Variants in PLXNB1 observed in about 807,000 individuals in gnomAD.
PLXNB1 encodes the protein plexin B1.
In PLXNB1, 106 loss-of-function variants were observed where a neutral mutation model predicts 209.4. That is an observed-to-expected ratio of 0.51 (90% CI 0.43 to 0.59). The LOEUF (loss-of-function observed/expected upper bound fraction) is 0.59. PLXNB1 is among the 20% of genes least tolerant of loss of function. The pLI, the probability that PLXNB1 is intolerant of heterozygous loss-of-function variation, is 0.00. For synonymous variants in PLXNB1, 1,167 were observed against 1,183.2 expected (o/e 0.99, Z 0.28); for missense variants, 2,357 against 2,853.2 (o/e 0.83, Z 3.96).
rs918715075 is a variant in PLXNB1 at position 48,429,736 on chromosome 3, C to T, written c.-60+272G>A. On this transcript the variant is annotated intron_variant, in intron 1 of 37. Coordinates refer to ENST00000296440, the MANE Select transcript of PLXNB1 (RefSeq NM_001130082.3). This position sits in a 1 kb window ranked among gnomAD's most constrained non-coding sequence, Gnocchi z 6.4. The stretch of plus-strand genomic sequence containing the variant: ...TGAACCCCGGGAGCCAGAGCCGCCC[C>T]GCCCCGTCGGCCTCACCTGCTCGCC... Among the ~76,000 whole-genome samples, 1 of 152,084 alleles carries T rather than the reference C, an allele frequency of 6.6e-6. No individual in the cohort carries two copies. Among genetic ancestry groups the T allele is most frequent in the African/African-American group, 2.4e-5 (1 of 41,422 alleles).
In PLXNB1 at chr3:48,419,110, C is replaced by G; in HGVS notation, c.2833-71G>C. On this transcript the variant is annotated intron_variant, in intron 12 of 37. Transcript: ENST00000296440. This position sits in a 1 kb window ranked among gnomAD's most constrained non-coding sequence, Gnocchi z 5.7. Reference sequence around the variant, plus strand: ...CCAGGGAGTCCTGCAGGTCACCCAACAGATCCCCCAGCACAGCTTCTGGGT... The same window carrying G: ...CCAGGGAGTCCTGCAGGTCACCCAAGAGATCCCCCAGCACAGCTTCTGGGT... The G allele has an allele frequency of 6.3e-7, 1 of 1,593,782 alleles. No homozygotes were observed. The highest frequency in any genetic ancestry group is 1.1e-5 in the South Asian group (1 of 88,876).
At position 48,418,372 on chromosome 3, in the gene PLXNB1, G is replaced by A; in HGVS notation, c.3050-9C>T. 1.2e-6 allele frequency: 2 copies of A among 1,613,632 alleles called. No individual in the cohort carries two copies. Among genetic ancestry groups the A allele is most frequent in the South Asian group, 2.2e-5 (2 of 91,078 alleles). ...ACAGTCATACAGTACCACTGGGGGT[G>A]GCAGAGACACACGTGAGAGGCAGGC... On this transcript the variant is annotated splice_polypyrimidine_tract_variant and intron_variant, in intron 14 of 37. Coordinates refer to ENST00000296440, the MANE Select transcript of PLXNB1 (RefSeq NM_001130082.3). This position sits in a 1 kb window ranked among gnomAD's most constrained non-coding sequence, Gnocchi z 6.6.
Position 48,424,201 on chromosome 3 carries a change from A to T in PLXNB1, c.411T>A (p.Pro137=). The T allele has an allele frequency of 2.5e-6, 4 of 1,596,020 alleles. No homozygotes were observed. The highest frequency in any genetic ancestry group is 3.4e-6 in the Non-Finnish European group (4 of 1,169,850). ...LEQLLLRPER[P]GDTQYVAAND... ...TGGCAGCCACATATTGTGTGTCCCCAGGCCGCTCTGGCCGCAGCAGCAGCT... is the reference window on the plus strand; with the variant it reads ...TGGCAGCCACATATTGTGTGTCCCCTGGCCGCTCTGGCCGCAGCAGCAGCT... Residue 137 remains proline (P), a synonymous_variant, in exon 3 of 38, where the codon CCT becomes CCA. Coordinates refer to ENST00000296440, the MANE Select transcript of PLXNB1 (RefSeq NM_001130082.3).
In PLXNB1 at chr3:48,417,191, G is replaced by A. The variant is rs542636893; in HGVS notation, c.3374+720C>T. Among the ~76,000 whole-genome samples, 3 of 152,358 alleles carry A rather than the reference G, an allele frequency of 2.0e-5. No homozygotes were observed. The highest frequency in any genetic ancestry group is 2.1e-4 in the South Asian group (1 of 4,828). On this transcript the variant is annotated intron_variant, in intron 16 of 37. Coordinates refer to ENST00000296440, the MANE Select transcript of PLXNB1 (RefSeq NM_001130082.3). The surrounding 1 kb of genome is among the most constrained non-coding windows in gnomAD (Gnocchi z 4.4). Reference sequence around the variant, plus strand: ...TCATAACACATTCAGGGGACACTCCGTGCTCCAGGAGAGTGGTTCCTTGTT... The same window carrying A: ...TCATAACACATTCAGGGGACACTCCATGCTCCAGGAGAGTGGTTCCTTGTT...
chr3:48,409,678 G>A lies in PLXNB1; in HGVS notation c.5832C>T (p.Ser1944=), dbSNP rs1338736353. 1 of 1,613,834 alleles carries A rather than the reference G, an allele frequency of 6.2e-7. No individual in the cohort carries two copies. The highest frequency in any genetic ancestry group is 8.5e-7 in the Non-Finnish European group (1 of 1,180,028). Residue 1944 remains serine (S), a synonymous_variant, in exon 33 of 38, where the codon AGC becomes AGT. Coordinates refer to ENST00000296440, the MANE Select transcript of PLXNB1 (RefSeq NM_001130082.3). The surrounding 1 kb of genome is among the most constrained non-coding windows in gnomAD (Gnocchi z 5.8). ...DDLFQVILST[S]RPVPLAVKYF... is the part of the protein sequence containing the mutation. ...ACTTCACAGCGAGCGGCACGGGGCG[G>A]CTGGTGCTGAGAATCACCTGGAACA...
intron 6 of PLXNB1, 87 bp downstream of exon 6, chr3:48,422,018 T>G: frequency 7.3e-7 from 1 of 1,360,924 alleles, no homozygotes; most frequent in Non-Finnish European, 1.0e-6. Flanking sequence ...AGAGTCATGG[T>G]CTAAGGGTCA....
At chr3:48,425,534 G>T (rs1469084639) in intron 1 of PLXNB1, among the ~76,000 whole-genome samples, 2 of 152,024 alleles carry the variant, frequency 1.3e-5, no homozygotes, top group African/African-American at 2.4e-5. Flanking sequence ...TGAGGAGGGG[G>T]AGGGCAGCAG....
chr3:48,409,352 G>A lies in PLXNB1; in HGVS notation c.6064C>T (p.Leu2022=), dbSNP rs2037509971. Residue 2022 remains leucine (L), a synonymous_variant, in exon 34 of 38, where the codon CTG becomes TTG. Coordinates refer to ENST00000296440, the MANE Select transcript of PLXNB1 (RefSeq NM_001130082.3). This position sits in a 1 kb window ranked among gnomAD's most constrained non-coding sequence, Gnocchi z 5.8. ...ACCCGGCCCAGCTTGTGGTCGGCCA[G>A]GGTGCAGGCGTCCATGAAGGTCTGT... ...IAQTFMDACT[L]ADHKLGRDSP... 2 of 1,614,160 alleles carry A rather than the reference G, an allele frequency of 1.2e-6. No individual in the cohort carries two copies. The highest frequency in any genetic ancestry group is 1.7e-6 in the Non-Finnish European group (2 of 1,180,034).
At chr3:48,427,912 T>C (rs954879845) in intron 1 of PLXNB1, among the ~76,000 whole-genome samples, 1 of 152,202 alleles carries the variant, frequency 6.6e-6, no homozygotes, top group Admixed American at 6.5e-5. Flanking sequence ...ATTTCCTAGT[T>C]GTACAATGGG....
rs746906628 is a variant in PLXNB1 at position 48,410,974 on chromosome 3, C to T, written c.5310G>A (p.Lys1770=). Reference sequence around the variant, plus strand: ...GGGAGATGGTGTCACAGTCTAGGACCTTCACGGGCACGCCCTGGGCCTCTC... The same window carrying T: ...GGGAGATGGTGTCACAGTCTAGGACTTTCACGGGCACGCCCTGGGCCTCTC... ...GAGEAQGVPV[K]VLDCDTISQA... The change falls in exon 29 of 38, where the codon AAG becomes AAA. Residue 1770 remains lysine, a synonymous_variant. Coordinates refer to ENST00000296440, the MANE Select transcript of PLXNB1 (RefSeq NM_001130082.3). This position sits in a 1 kb window ranked among gnomAD's most constrained non-coding sequence, Gnocchi z 6.4. The T allele has an allele frequency of 1.1e-5, 17 of 1,613,882 alleles. No individual in the cohort carries two copies. The Middle Eastern group carries it at 8.3e-4, about 78-fold the overall frequency.
chr3:48,405,651 C>G lies in PLXNB1; in HGVS notation c.6303+73G>C. On this transcript the variant is annotated intron_variant, in intron 37 of 37. Transcript: ENST00000296440. The surrounding 1 kb of genome is among the most constrained non-coding windows in gnomAD (Gnocchi z 5.0). ...AGACCAAAGCCCCCAACGTGAGTCA[C>G]AGGGTCAGAGCCCCTTAAGTCTCCT... The G allele has an allele frequency of 8.3e-7, 1 of 1,211,266 alleles. No homozygotes were observed. The highest frequency in any genetic ancestry group is 1.3e-5 in the South Asian group (1 of 79,776). The allele number at this position is 1,211,266 out of a possible 1,614,324, so 75.0% of individuals were successfully genotyped here. A position where few individuals can be genotyped will look rare whatever the true frequency, so the allele number is the denominator to read the frequency against.
At position 48,405,876 on chromosome 3, in the gene PLXNB1, A is replaced by G; in HGVS notation, c.6229-78T>C. Reference sequence around the variant, plus strand: ...CAGGAGGCAGCCCAGGACCCCAGGGAAGGGCTGGGGGAGAAGGGGACCTGA... The same window carrying G: ...CAGGAGGCAGCCCAGGACCCCAGGGGAGGGCTGGGGGAGAAGGGGACCTGA... On this transcript the variant is annotated intron_variant, in intron 36 of 37. Transcript: ENST00000296440. This position sits in a 1 kb window ranked among gnomAD's most constrained non-coding sequence, Gnocchi z 5.0. The G allele has an allele frequency of 8.6e-7, 1 of 1,168,882 alleles. No individual in the cohort carries two copies. Among genetic ancestry groups the G allele is most frequent in the Non-Finnish European group, 1.3e-6 (1 of 788,352 alleles). 72.4% of individuals were successfully genotyped at this position (1,168,882 alleles called of 1,614,324 possible). A position where few individuals can be genotyped will look rare whatever the true frequency, so the allele number is the denominator to read the frequency against.
At position 48,410,973 on chromosome 3, in the gene PLXNB1, C is replaced by A; in HGVS notation, c.5311G>T (p.Val1771Phe). 1 of 1,613,900 alleles carries A rather than the reference C, an allele frequency of 6.2e-7. No homozygotes were observed. Among genetic ancestry groups the A allele is most frequent in the Non-Finnish European group, 8.5e-7 (1 of 1,179,964 alleles). Residue 1771 changes from valine (V) to phenylalanine (F), a missense_variant, in exon 29 of 38, where the codon GTC becomes TTC. Coordinates refer to ENST00000296440, the MANE Select transcript of PLXNB1 (RefSeq NM_001130082.3). This position sits in a 1 kb window ranked among gnomAD's most constrained non-coding sequence, Gnocchi z 6.4. ...AGEAQGVPVK[V>F]LDCDTISQAK... The stretch of plus-strand genomic sequence containing the variant: ...TGGGAGATGGTGTCACAGTCTAGGA[C>A]CTTCACGGGCACGCCCTGGGCCTCT...
chr3:48,405,607 A>G lies in PLXNB1; in HGVS notation c.6303+117T>C. The G allele has an allele frequency of 1.3e-6, 1 of 779,824 alleles. No homozygotes were observed. Among genetic ancestry groups the G allele is most frequent in the East Asian group, 2.7e-5 (1 of 36,640 alleles). 48.3% of individuals were successfully genotyped at this position (779,824 alleles called of 1,614,324 possible). A position where few individuals can be genotyped will look rare whatever the true frequency, so the allele number is the denominator to read the frequency against. ...AAGCCACCAAGGGGCCCGGCCCCCCACTACTCTGTCCCTGGGGAAGACCAA... is the reference window on the plus strand; with the variant it reads ...AAGCCACCAAGGGGCCCGGCCCCCCGCTACTCTGTCCCTGGGGAAGACCAA... On this transcript the variant is annotated intron_variant, in intron 37 of 37. Coordinates refer to ENST00000296440, the MANE Select transcript of PLXNB1 (RefSeq NM_001130082.3). The surrounding 1 kb of genome is among the most constrained non-coding windows in gnomAD (Gnocchi z 5.0).
rs1386830549 is a variant in PLXNB1, at chr3:48,418,766, GGTCA to G, written c.2955+147_2955+150del. On this transcript the variant is annotated intron_variant, in intron 13 of 37. Transcript: ENST00000296440. The surrounding 1 kb of genome is among the most constrained non-coding windows in gnomAD (Gnocchi z 6.6). The stretch of plus-strand genomic sequence containing the variant: ...GATGCAAGGACTCCACGGGGCACAT[GGTCA>G]GAGGTCAGAAATGGGTGTGGAGACT... 4 of 1,040,662 alleles carry G rather than the reference GGTCA, an allele frequency of 3.8e-6. No individual in the cohort carries two copies. Among genetic ancestry groups the G allele is most frequent in the Non-Finnish European group, 5.8e-6 (4 of 694,280 alleles). The allele number at this position is 1,040,662 out of a possible 1,614,324, so 64.5% of individuals were successfully genotyped here. A position where few individuals can be genotyped will look rare whatever the true frequency, so the allele number is the denominator to read the frequency against.
In PLXNB1 at chr3:48,412,544, G is replaced by A; in HGVS notation, c.4931C>T (p.Ala1644Val). The change falls in exon 26 of 38, where the codon GCA (alanine) becomes GTA (valine). Residue 1644 changes from alanine (A) to valine (V), a missense_variant. Coordinates refer to ENST00000296440, the MANE Select transcript of PLXNB1 (RefSeq NM_001130082.3). Reference sequence around the variant, plus strand: ...GAAATACTCAAGCTTCCCATGCAGTGCCACGGTGAGCAGAGATGCCACGTA... The same window carrying A: ...GAAATACTCAAGCTTCCCATGCAGTACCACGGTGAGCAGAGATGCCACGTA... ...RAYVASLLTV[A>V]LHGKLEYFTD... is the part of the protein sequence containing the mutation. 1 of 1,613,678 alleles carries A rather than the reference G, an allele frequency of 6.2e-7. No homozygotes were observed. Among genetic ancestry groups the A allele is most frequent in the Non-Finnish European group, 8.5e-7 (1 of 1,180,038 alleles).
rs960396787 is a variant in PLXNB1, at chr3:48,407,781, C to T, written c.6088-690G>A. Among the ~76,000 whole-genome samples the T allele has an allele frequency of 7.2e-5, 11 of 152,186 alleles. 1 individual carries two copies. In the South Asian group the frequency reaches 1.2e-3, roughly 17 times the overall value. On this transcript the variant is annotated intron_variant, in intron 34 of 37. Transcript: ENST00000296440. ...GGGGGAACCCTTGGCATTCTTTGTT[C>T]GGACTACTCCTGAGCTACCCAGGAA...
intron 10 of PLXNB1, 103 bp from the exon 11 acceptor site, chr3:48,420,360 G>A (rs1199301340): frequency 1.4e-6 from 1 of 699,680 alleles, no homozygotes. Context: ...GGAGACCAAG[G>A]AAAAGAGAAA....
At position 48,415,832 on chromosome 3, in the gene PLXNB1, T is replaced by C; in HGVS notation, c.3618-73A>G. On this transcript the variant is annotated intron_variant, in intron 18 of 37. Coordinates refer to ENST00000296440, the MANE Select transcript of PLXNB1 (RefSeq NM_001130082.3). This position sits in a 1 kb window ranked among gnomAD's most constrained non-coding sequence, Gnocchi z 5.0. ...TTGGACCACTCAGGCCCCAACTGGC[T>C]TCCCTCAAGCGCTGACTGCAGTCTC... 1 of 1,442,122 alleles carries C rather than the reference T, an allele frequency of 6.9e-7. No individual in the cohort carries two copies. The highest frequency in any genetic ancestry group is 9.4e-7 in the Non-Finnish European group (1 of 1,068,048). 89.3% of individuals were successfully genotyped at this position (1,442,122 alleles called of 1,614,324 possible).
Sources: allele counts gnomAD v4.1 joint callset (sites outside exome capture counted in the v4.1 genomes callset), GRCh38; gene constraint gnomAD v4.1.1; non-coding constraint Gnocchi (gnomAD v3.1); transcripts MANE v1.5; gene names NCBI Gene and HGNC (gene_info 2026-07-23, HGNC 2026-07-21).